ARPP21: variants seen among roughly 807,000 people sequenced by gnomAD.
ARPP21 encodes cAMP regulated phosphoprotein 21, also known as cAMP-regulated phosphoprotein 21.
Under a neutral mutation model 113.2 loss-of-function variants are expected in ARPP21, and 69 were observed. The ratio of observed to expected loss-of-function variants is 0.61; its 90% CI spans 0.50 to 0.74. The LOEUF is 0.74. Ranked by LOEUF, ARPP21 falls within the 30% of genes least tolerant of loss-of-function variation. The pLI, the probability that ARPP21 is intolerant of heterozygous loss-of-function variation, is 0.00. For synonymous variants in ARPP21, 368 were observed against 375.5 expected, an observed-to-expected ratio of 0.98 and a Z score of 0.23; for missense variants, 1,070 against 1,037.4, an observed-to-expected ratio of 1.03 and a Z score of -0.43.
intron 10 of ARPP21, among the ~76,000 whole-genome samples, chr3:35,708,325 T>G (rs2089959450): frequency 6.6e-6 from 1 of 152,232 alleles, no homozygotes; most frequent in Non-Finnish European, 1.5e-5. Context: ...GAAGCATTAC[T>G]TTAGAGTTCT....
chr3:35,642,486 A>G (rs1341580577), intron 1 of ARPP21: 1 of 152,186 alleles, frequency 6.6e-6, no homozygotes, highest in Non-Finnish European at 1.5e-5. Flanking sequence ...GATTTTTGTT[A>G]GAGAATTATA....
chr3:35,698,349 G>T (rs1212738669), intron 9 of ARPP21, among the ~76,000 whole-genome samples: 1 of 151,396 alleles, frequency 6.6e-6, no homozygotes, highest in Non-Finnish European at 1.5e-5. Flanking sequence ...TTCCCTACTC[G>T]AAATTATTTA....
chr3:35,681,898 G>T lies in ARPP21; in HGVS notation c.129+18G>T. ...AACTGCAGGTGAGTGAGCATGAAGA[G>T]ACCCTGACTCTCATACAACTGTGTG... On this transcript the variant is annotated intron_variant, in intron 3 of 20. Coordinates refer to ENST00000684406, the MANE Select transcript of ARPP21 (RefSeq NM_001385562.1). 6.2e-7 allele frequency: 1 copy of T among 1,610,826 alleles called. No individual in the cohort carries two copies. The highest frequency in any genetic ancestry group is 8.5e-7 in the Non-Finnish European group (1 of 1,178,118).
intron 19 of ARPP21, among the ~76,000 whole-genome samples, chr3:35,759,300 T>C (rs1217317666): frequency 6.6e-6 from 1 of 152,090 alleles, no homozygotes; most frequent in Non-Finnish European, 1.5e-5. Flanking sequence ...TAAACCCACA[T>C]CATTTGGGGT....
intron 1 of ARPP21, among the ~76,000 whole-genome samples, chr3:35,658,553 T>C (rs895736): frequency 0.051 from 7,751 of 152,132 alleles, 657 homozygotes; most frequent in African/African-American, 0.18. Context: ...AAAAATGATA[T>C]GCAATATCAA....
At chr3:35,655,150 A>T (rs909682460) in intron 1 of ARPP21, among the ~76,000 whole-genome samples, 22 of 152,012 alleles carry the variant, frequency 1.4e-4, no homozygotes, top group Admixed American at 1.4e-3. Context: ...TTAACCCATG[A>T]CAAGGAAATA....
intron 19 of ARPP21, among the ~76,000 whole-genome samples, chr3:35,783,548 T>G (rs1311922736): frequency 2.0e-5 from 3 of 152,148 alleles, no homozygotes; most frequent in Non-Finnish European, 4.4e-5. Flanking sequence ...TTTTCTTAAC[T>G]TCATGTCTTC....
intron 19 of ARPP21, among the ~76,000 whole-genome samples, chr3:35,745,094 T>G (rs1326327743): frequency 1.3e-5 from 2 of 152,246 alleles, no homozygotes; most frequent in East Asian, 3.8e-4. Context: ...TTTGTCTTGT[T>G]TCAGCACTGT....
At position 35,657,848 on chromosome 3, in the gene ARPP21, C is replaced by T. The variant is rs539007636; in HGVS notation, c.-213+17450C>T. On this transcript the variant is annotated intron_variant, in intron 1 of 20. Coordinates refer to ENST00000684406, the MANE Select transcript of ARPP21 (RefSeq NM_001385562.1). Reference sequence around the variant, plus strand: ...CTCCATAAACCTTAGAAATAGCTCTCCCAGATATGACAACATTTGGGCCTT... The same window carrying T: ...CTCCATAAACCTTAGAAATAGCTCTTCCAGATATGACAACATTTGGGCCTT... Among the ~76,000 whole-genome samples the T allele has an allele frequency of 2.6e-5, 4 of 152,184 alleles. No homozygotes were observed. The East Asian group carries it at 7.8e-4, about 30-fold the overall frequency.
chr3:35,660,482 A>C (rs1441959938), intron 1 of ARPP21, among the ~76,000 whole-genome samples: 4 of 152,000 alleles, frequency 2.6e-5, no homozygotes, highest in Non-Finnish European at 5.9e-5. Context: ...GCCCCTTCAA[A>C]CTATCCTTGC....
chr3:35,764,185 AC>A (rs1307760667), intron 19 of ARPP21, among the ~76,000 whole-genome samples: 2 of 152,286 alleles, frequency 1.3e-5, no homozygotes, highest in Non-Finnish European at 2.9e-5. Flanking sequence ...TTTTTTGGTA[AC>A]CTAAAAATAT....
intron 19 of ARPP21, among the ~76,000 whole-genome samples, chr3:35,778,587 C>T (rs1248330753): frequency 6.6e-6 from 1 of 152,174 alleles, no homozygotes; most frequent in African/African-American, 2.4e-5. Flanking sequence ...GTCTTCCTCA[C>T]TTGTTGATCC....
chr3:35,687,599 AG>A, intron 5 of ARPP21, 139 bp from the exon 6 acceptor site: 1 of 659,174 alleles, frequency 1.5e-6, no homozygotes, highest in East Asian at 3.1e-5. Context: ...ATTTCCTGAC[AG>A]GTTTAATTTT....
intron 19 of ARPP21, among the ~76,000 whole-genome samples, chr3:35,757,160 C>T (rs2095602248): frequency 6.7e-6 from 1 of 149,370 alleles, no homozygotes; most frequent in Non-Finnish European, 1.5e-5. Context: ...CTGCCGAGCT[C>T]AAATAAGCCT....
intron 10 of ARPP21, among the ~76,000 whole-genome samples, chr3:35,707,749 TG>T (rs1341313648): frequency 6.6e-6 from 1 of 152,100 alleles, no homozygotes; most frequent in African/African-American, 2.4e-5. Flanking sequence ...TAGCCTTATT[TG>T]TGGTACCCGG....
At chr3:35,683,605 T>C in intron 4 of ARPP21, 121 bp from the exon 5 acceptor site, 1 of 660,612 alleles carries the variant, frequency 1.5e-6, no homozygotes, top group South Asian at 1.7e-5. Flanking sequence ...ACTTGAAGTT[T>C]GGTTTTAAAA....
chr3:35,758,309 A>T (rs1313709284), intron 19 of ARPP21, among the ~76,000 whole-genome samples: 1 of 152,048 alleles, frequency 6.6e-6, no homozygotes, highest in African/African-American at 2.4e-5. Flanking sequence ...AAAGCTTTCA[A>T]ATCTCTCATG....
chr3:35,669,038 C>T (rs1249216473), intron 1 of ARPP21, among the ~76,000 whole-genome samples: 1 of 152,044 alleles, frequency 6.6e-6, no homozygotes, highest in South Asian at 2.1e-4. Context: ...ATTTTTGCTG[C>T]AGCCTTCATC....
intron 10 of ARPP21, 95 bp from the exon 11 acceptor site, chr3:35,708,874 A>C (rs2150032505): frequency 1.2e-6 from 1 of 804,618 alleles, no homozygotes; most frequent in Non-Finnish European, 2.0e-6. Flanking sequence ...CATTTGTTTA[A>C]GTGAACATTT....
Sources: gnomAD v4.1 joint callset for allele counts (sites outside exome capture counted in the v4.1 genomes callset) on GRCh38, gnomAD v4.1.1 for gene constraint, MANE v1.5 for transcripts, NCBI Gene and HGNC (gene_info 2026-07-23, HGNC 2026-07-21) for gene names.